Variants in KCNQ3 observed in about 807,000 individuals in gnomAD.
KCNQ3 encodes the protein potassium voltage-gated channel subfamily Q member 3, also known as potassium voltage-gated channel subfamily KQT member 3.
Under a neutral mutation model 92.5 loss-of-function variants are expected in KCNQ3, and 30 were observed. That is an observed-to-expected ratio of 0.32 (90% CI 0.24 to 0.44). The LOEUF (loss-of-function observed/expected upper bound fraction) is 0.44, where lower values mean the gene tolerates loss of function less well. KCNQ3 is among the 20% of genes least tolerant of loss of function. The pLI is 1.00. For missense variants in KCNQ3, 913 were observed against 1,140.3 expected (o/e 0.80, Z 2.87); for synonymous variants, 450 against 468.8 (o/e 0.96, Z 0.52).
intron 1 of KCNQ3, among the ~76,000 whole-genome samples, chr8:132,375,413 C>T (rs1444881829): frequency 6.6e-6 from 1 of 152,164 alleles, no homozygotes; most frequent in Non-Finnish European, 1.5e-5. Context: ...CACATCTCTG[C>T]TTCAGCATTC....
intron 1 of KCNQ3, among the ~76,000 whole-genome samples, chr8:132,399,867 A>G (rs1383645423): frequency 6.6e-6 from 1 of 152,164 alleles, no homozygotes; most frequent in Non-Finnish European, 1.5e-5. Flanking sequence ...ACCTTGGAGG[A>G]CTGTTGTGAC....
At chr8:132,245,460 C>T (rs543153182) in intron 1 of KCNQ3, among the ~76,000 whole-genome samples, 6 of 152,228 alleles carry the variant, frequency 3.9e-5, no homozygotes, top group African/African-American at 1.4e-4. Flanking sequence ...ATCCATGCAT[C>T]TAATGTGTTT....
chr8:132,303,868 A>ATG (rs910354973), intron 1 of KCNQ3, among the ~76,000 whole-genome samples: 35 of 150,290 alleles, frequency 2.3e-4, no homozygotes, highest in Non-Finnish European at 1.6e-4. Flanking sequence ...ATATACACAC[A>ATG]TATATATACA....
intron 1 of KCNQ3, among the ~76,000 whole-genome samples, chr8:132,435,665 T>C (rs573652263): frequency 2.0e-5 from 3 of 152,190 alleles, no homozygotes; most frequent in Non-Finnish European, 4.4e-5. Flanking sequence ...AGAGCAAGCA[T>C]AGACCATTTT....
intron 1 of KCNQ3, among the ~76,000 whole-genome samples, chr8:132,363,078 C>T (rs1043416693): frequency 2.6e-5 from 4 of 152,010 alleles, no homozygotes; most frequent in African/African-American, 4.8e-5. Flanking sequence ...GACAAAGTCA[C>T]GGGAAGGGGG....
chr8:132,168,715 ATATGTGTGTGTGTGTGTGTGTGTGTGTG>A (rs745829664), intron 8 of KCNQ3, among the ~76,000 whole-genome samples: 5,091 of 134,496 alleles, frequency 0.038, 167 homozygotes, highest in Non-Finnish European at 0.054. Flanking sequence ...AGGATAATGA[ATATGTGTGTGTGTGTGTGTGTGTGTGTG>A]TGTGTGTGTG....
chr8:132,232,962 A>G (rs1814690233), intron 1 of KCNQ3, among the ~76,000 whole-genome samples: 1 of 152,210 alleles, frequency 6.6e-6, no homozygotes, highest in South Asian at 2.1e-4. Context: ...CTAAGGTGAG[A>G]GGAAAGCTAA....
At chr8:132,436,852 C>T (rs988051113) in intron 1 of KCNQ3, among the ~76,000 whole-genome samples, 4 of 152,204 alleles carry the variant, frequency 2.6e-5, no homozygotes, top group East Asian at 1.9e-4. Context: ...TGGAAGGGAC[C>T]TTTTGGGGGT....
At chr8:132,457,830 A>AT (rs1487376039) in intron 1 of KCNQ3, among the ~76,000 whole-genome samples, 1 of 152,038 alleles carries the variant, frequency 6.6e-6, no homozygotes, top group Non-Finnish European at 1.5e-5. Context: ...ATATTATCCT[A>AT]TTTTACCAAC....
Position 132,125,597 on chromosome 8 carries a change from G to A in KCNQ3, c.*3665C>T, listed in dbSNP as rs912263459. The A allele has an allele frequency of 2.0e-5, 3 of 152,160 alleles. No individual in the cohort carries two copies. Among genetic ancestry groups the A allele is most frequent in the African/African-American group, 4.8e-5 (2 of 41,444 alleles). The allele number at this position is 152,160 out of a possible 1,614,324, so 9.4% of individuals were successfully genotyped here. A position where few individuals can be genotyped will look rare whatever the true frequency, so the allele number is the denominator to read the frequency against. On this transcript the variant is annotated 3_prime_UTR_variant, in exon 15 of 15. Transcript: ENST00000388996. ...CCCCATTTCAGTAGCATGGAATTAT[G>A]AGGATGATTTTGCCAAATTATGAGT...
At chr8:132,365,295 G>A (rs899440653) in intron 1 of KCNQ3, among the ~76,000 whole-genome samples, 3 of 152,246 alleles carry the variant, frequency 2.0e-5, no homozygotes, top group Admixed American at 6.5e-5. Context: ...TGTGTTAGAT[G>A]CCTCCAACTT....
At chr8:132,241,196 C>T (rs1329113758) in intron 1 of KCNQ3, among the ~76,000 whole-genome samples, 1 of 152,038 alleles carries the variant, frequency 6.6e-6, no homozygotes, top group Non-Finnish European at 1.5e-5. Flanking sequence ...GCCTAGCTAG[C>T]TAGCTACAAT....
intron 1 of KCNQ3, among the ~76,000 whole-genome samples, chr8:132,366,028 A>G (rs1033635399): frequency 3.9e-5 from 6 of 152,142 alleles, no homozygotes; most frequent in African/African-American, 1.4e-4. Context: ...CAGACCCTAT[A>G]AAGTACCACT....
chr8:132,399,003 T>C (rs1007462481), intron 1 of KCNQ3, among the ~76,000 whole-genome samples: 2 of 152,194 alleles, frequency 1.3e-5, no homozygotes, highest in Non-Finnish European at 2.9e-5. Context: ...ACAAATTCAG[T>C]GCAGCCATAT....
chr8:132,146,285 C>G (rs776395280), intron 9 of KCNQ3, among the ~76,000 whole-genome samples: 1 of 152,200 alleles, frequency 6.6e-6, no homozygotes, highest in Non-Finnish European at 1.5e-5. Flanking sequence ...GGACATACAA[C>G]GGGATACCAT....
intron 1 of KCNQ3, among the ~76,000 whole-genome samples, chr8:132,274,051 T>C (rs1816247472): frequency 6.6e-6 from 1 of 152,188 alleles, no homozygotes; most frequent in African/African-American, 2.4e-5. Flanking sequence ...AGTTCCAAAG[T>C]TGCTTCCACA....
rs142551146 is a variant in KCNQ3, at chr8:132,187,087, G to C, written c.387-906C>G. The C allele has an allele frequency of 9.3e-4, 412 of 441,136 alleles. 6 individuals carry two copies. Among genetic ancestry groups the C allele is most frequent in the African/African-American group, 7.7e-3 (383 of 49,430 alleles). The allele number at this position is 441,136 out of a possible 1,614,324, so 27.3% of individuals were successfully genotyped here. The stretch of plus-strand genomic sequence containing the variant: ...TAGTTGTCAGTACCAGGTTCCCTGG[G>C]TGTCCAAAAGGGAATTTATAAGCTA... On this transcript the variant is annotated intron_variant, in intron 1 of 14. Coordinates refer to ENST00000388996, the MANE Select transcript of KCNQ3 (RefSeq NM_004519.4).
intron 1 of KCNQ3, among the ~76,000 whole-genome samples, chr8:132,467,839 C>T (rs1033466379): frequency 3.3e-5 from 5 of 152,312 alleles, no homozygotes; most frequent in Admixed American, 1.3e-4. Context: ...CCAGAGGAAA[C>T]AAGACTCTTC....
At chr8:132,280,566 C>A (rs1482306258) in intron 1 of KCNQ3, among the ~76,000 whole-genome samples, 1 of 152,162 alleles carries the variant, frequency 6.6e-6, no homozygotes, top group East Asian at 1.9e-4. Flanking sequence ...CACCTCCCAT[C>A]AGGCCCCACC....
Sources: allele counts gnomAD v4.1 joint callset (sites outside exome capture counted in the v4.1 genomes callset), GRCh38; gene constraint gnomAD v4.1.1; transcripts MANE v1.5; gene names NCBI Gene and HGNC (gene_info 2026-07-23, HGNC 2026-07-21).